CNTNAP2: variants seen among roughly 807,000 people sequenced by gnomAD.
CNTNAP2 encodes the protein contactin associated protein 2.
Under a neutral mutation model 155.2 loss-of-function variants are expected in CNTNAP2, and 98 were observed. That is an observed-to-expected ratio of 0.63 (90% CI 0.54 to 0.75). The LOEUF (loss-of-function observed/expected upper bound fraction) is 0.75, where lower values mean the gene tolerates loss of function less well. Ranked by LOEUF, CNTNAP2 falls within the 30% of genes least tolerant of loss-of-function variation. The pLI is 0.00. For synonymous variants in CNTNAP2, 651 were observed against 631.2 expected (o/e 1.03, Z -0.47); for missense variants, 1,727 against 1,688.1 (o/e 1.02, Z -0.40).
chr7:147,676,619 T>C (rs1054015005), intron 13 of CNTNAP2, among the ~76,000 whole-genome samples: 2 of 151,922 alleles, frequency 1.3e-5, no homozygotes, highest in East Asian at 3.9e-4. Context: ...TCCTATCTAA[T>C]TGAAATTTCG....
At position 146,307,246 on chromosome 7, in the gene CNTNAP2, A is replaced by G. The variant is rs544508098; in HGVS notation, c.97+190273A>G. ...CATTCACAATTGCTTCAAAAAGAATAAAATACCTAGGAATGCAACTTAGAA... is the reference window on the plus strand; with the variant it reads ...CATTCACAATTGCTTCAAAAAGAATGAAATACCTAGGAATGCAACTTAGAA... On this transcript the variant is annotated intron_variant, in intron 1 of 23. Coordinates refer to ENST00000361727, the MANE Select transcript of CNTNAP2 (RefSeq NM_014141.6). Among the ~76,000 whole-genome samples the G allele has an allele frequency of 9.2e-5, 14 of 152,302 alleles. No individual in the cohort carries two copies. In the East Asian group the frequency reaches 2.7e-3, roughly 29 times the overall value.
At chr7:148,349,637 G>A (rs1043281478) in intron 21 of CNTNAP2, among the ~76,000 whole-genome samples, 2 of 152,026 alleles carry the variant, frequency 1.3e-5, no homozygotes, top group Non-Finnish European at 2.9e-5. Flanking sequence ...TCCTGACCTC[G>A]TGATCCGCCC....
chr7:148,197,895 C>T (rs1375766205), intron 18 of CNTNAP2, among the ~76,000 whole-genome samples: 1 of 152,182 alleles, frequency 6.6e-6, no homozygotes, highest in East Asian at 1.9e-4. Flanking sequence ...AGGTTCCCCT[C>T]ATCCTACACC....
intron 4 of CNTNAP2, among the ~76,000 whole-genome samples, chr7:147,066,011 TAAAACAAAAC>T (rs927570239): frequency 1.3e-5 from 2 of 152,006 alleles, no homozygotes; most frequent in Non-Finnish European, 2.9e-5. Flanking sequence ...GGTGGTTTTA[TAAAACAAAAC>T]AAAACAAAAC....
At chr7:147,861,083 A>T (rs372535229) in intron 13 of CNTNAP2, among the ~76,000 whole-genome samples, 2 of 152,188 alleles carry the variant, frequency 1.3e-5, no homozygotes, top group Non-Finnish European at 2.9e-5. Flanking sequence ...TTTCTATGTC[A>T]ACCACACTTC....
At chr7:146,588,518 ATT>A (rs72034206) in intron 1 of CNTNAP2, among the ~76,000 whole-genome samples, 61,525 of 140,444 alleles carry the variant, frequency 0.44, 12,991 homozygotes, top group South Asian at 0.63. Flanking sequence ...TATTATATGT[ATT>A]TTTTTTTTTT....
chr7:146,278,459 G>A (rs1480351431), intron 1 of CNTNAP2, among the ~76,000 whole-genome samples: 1 of 152,114 alleles, frequency 6.6e-6, no homozygotes, highest in Non-Finnish European at 1.5e-5. Flanking sequence ...AAAAATATAT[G>A]TGAAAATAAT....
At chr7:146,182,371 G>T (rs957168924) in intron 1 of CNTNAP2, among the ~76,000 whole-genome samples, 1 of 152,096 alleles carries the variant, frequency 6.6e-6, no homozygotes, top group African/African-American at 2.4e-5. Flanking sequence ...TCAAAAATTT[G>T]TAGGAGACAT....
chr7:147,747,623 T>C (rs554359096), intron 13 of CNTNAP2, among the ~76,000 whole-genome samples: 1 of 152,282 alleles, frequency 6.6e-6, no homozygotes, highest in African/African-American at 2.4e-5. Flanking sequence ...AGCAGTGAGA[T>C]TGCTGGATCC....
intron 9 of CNTNAP2, among the ~76,000 whole-genome samples, chr7:147,300,503 C>T (rs755932566): frequency 5.3e-5 from 8 of 152,188 alleles, no homozygotes; most frequent in Non-Finnish European, 1.0e-4. Flanking sequence ...CCATATTCTT[C>T]TGGCCTAATT....
chr7:147,217,760 G>A (rs76296403), intron 8 of CNTNAP2, among the ~76,000 whole-genome samples: 1,579 of 152,048 alleles, frequency 0.01, 20 homozygotes, highest in African/African-American at 0.036. Flanking sequence ...AATTACCAGC[G>A]AACACTTACG....
intron 1 of CNTNAP2, among the ~76,000 whole-genome samples, chr7:146,226,917 CT>C (rs1446592142): frequency 6.6e-6 from 1 of 151,990 alleles, no homozygotes; most frequent in Non-Finnish European, 1.5e-5. Context: ...CACTTCATTA[CT>C]TTAAGAAATG....
At chr7:147,947,309 T>C (rs989701466) in intron 14 of CNTNAP2, among the ~76,000 whole-genome samples, 1 of 151,768 alleles carries the variant, frequency 6.6e-6, no homozygotes, top group African/African-American at 2.4e-5. Flanking sequence ...TTTTAAAGGG[T>C]TTTCCTAGTC....
intron 11 of CNTNAP2, among the ~76,000 whole-genome samples, chr7:147,487,111 A>G (rs1365323414): frequency 6.6e-6 from 1 of 152,174 alleles, no homozygotes; most frequent in African/African-American, 2.4e-5. Context: ...AAGCCTTTCC[A>G]TTGTGTTATT....
At position 148,150,102 on chromosome 7, in the gene CNTNAP2, C is replaced by CAAA. The variant is rs71188948; in HGVS notation, c.2773+2419_2773+2421dup. ...TCAGGTGAAGTGAGAGGGGTTGTTA[C>CAAA]AAAAAAAAAAAAAAAAAAAAAAAAA... On this transcript the variant is annotated intron_variant, in intron 17 of 23. Coordinates refer to ENST00000361727, the MANE Select transcript of CNTNAP2 (RefSeq NM_014141.6). Among the ~76,000 whole-genome samples, 37 of 84,530 alleles carry CAAA rather than the reference C, an allele frequency of 4.4e-4. 2 individuals carry two copies. The highest frequency in any genetic ancestry group is 1.1e-3 in the African/African-American group (28 of 24,410). The allele number at this position is 84,530 out of a possible 152,430, so 55.5% of individuals were successfully genotyped here. A position where few individuals can be genotyped will look rare whatever the true frequency, so the allele number is the denominator to read the frequency against.
intron 11 of CNTNAP2, among the ~76,000 whole-genome samples, chr7:147,515,362 G>A (rs527825230): frequency 0.011 from 1,506 of 132,332 alleles, 18 homozygotes; most frequent in Non-Finnish European, 0.017. Flanking sequence ...TCGCTCTGTC[G>A]CCCAGGCTGG....
chr7:147,988,080 T>A (rs1201944825), intron 15 of CNTNAP2, among the ~76,000 whole-genome samples: 1 of 152,160 alleles, frequency 6.6e-6, no homozygotes, highest in African/African-American at 2.4e-5. Flanking sequence ...GCGGGACAAC[T>A]CAAAGCGGAG....
At chr7:148,107,903 G>A (rs1424829031) in intron 15 of CNTNAP2, among the ~76,000 whole-genome samples, 1 of 152,190 alleles carries the variant, frequency 6.6e-6, no homozygotes, top group Non-Finnish European at 1.5e-5. Context: ...GAGCCATTTG[G>A]TGACCTGAGG....
chr7:147,925,156 AAGGAAGGAAGGAAG>A (rs141028852), intron 14 of CNTNAP2, among the ~76,000 whole-genome samples: 100 of 61,286 alleles, frequency 1.6e-3, no homozygotes, highest in South Asian at 3.9e-3. Context: ...AGAGAGAGAG[AAGGAAGGAAGGAAG>A]GAAGGAAGGA....
Sources: allele counts gnomAD v4.1 joint callset (sites outside exome capture counted in the v4.1 genomes callset), GRCh38; gene constraint gnomAD v4.1.1; transcripts MANE v1.5; gene names NCBI Gene and HGNC (gene_info 2026-07-23, HGNC 2026-07-21).